The following SDK2 variants were observed in gnomAD, a reference collection of about 807,000 sequenced individuals.
The protein encoded by SDK2 is protein sidekick-2.
Under a neutral mutation model 253.9 loss-of-function variants are expected in SDK2, and 105 were observed. That is an observed-to-expected ratio of 0.41 (90% CI 0.35 to 0.49). The LOEUF is 0.49. SDK2 is among the 20% of genes least tolerant of loss of function. The pLI is 0.06. For synonymous variants in SDK2, 1,249 were observed against 1,234.9 expected, an observed-to-expected ratio of 1.01 and a Z score of -0.24; for missense variants, 2,608 against 3,003.0, an observed-to-expected ratio of 0.87 and a Z score of 3.07.
At chr17:73,430,370 TCAG>T in intron 12 of SDK2, 138 bp downstream of exon 12, 1 of 640,054 alleles carries the variant, frequency 1.6e-6, no homozygotes, top group South Asian at 1.8e-5. Flanking sequence ...AGCCCTGCAC[TCAG>T]CTCTGGAAAT....
chr17:73,434,445 C>G (rs1480750758), intron 9 of SDK2, among the ~76,000 whole-genome samples: 1 of 152,216 alleles, frequency 6.6e-6, no homozygotes, highest in Non-Finnish European at 1.5e-5. Flanking sequence ...ACGGCAGCCC[C>G]TTGGTAGCCA....
At chr17:73,507,829 C>T (rs1450815552) in intron 1 of SDK2, among the ~76,000 whole-genome samples, 2 of 152,196 alleles carry the variant, frequency 1.3e-5, no homozygotes, top group Non-Finnish European at 2.9e-5. Flanking sequence ...CCTCCCCAGA[C>T]CACGCTGGGC....
chr17:73,399,137 G>A, intron 22 of SDK2, 31 bp downstream of exon 22: 1 of 1,610,648 alleles, frequency 6.2e-7, no homozygotes. Context: ...CCCTGGCGGG[G>A]GCTGCTGGTC....
rs191130003 is a variant in SDK2 at position 73,395,405 on chromosome 17, A to G, written c.3355-13T>C. On this transcript the variant is annotated splice_polypyrimidine_tract_variant and intron_variant, in intron 24 of 44. Transcript: ENST00000392650. The surrounding 1 kb of genome is among the most constrained non-coding windows in gnomAD (Gnocchi z 4.3). ...TCTCCGGGAGAGGCTGCAGCGGGGC[A>G]GGGGTGGCAAAGCTGCTATGAGCCA... The G allele has an allele frequency of 7.6e-3, 12,165 of 1,608,548 alleles. 49 individuals carry two copies. The highest frequency in any genetic ancestry group is 9.2e-3 in the Non-Finnish European group (10,862 of 1,175,318).
intron 36 of SDK2, among the ~76,000 whole-genome samples, chr17:73,377,468 C>T (rs1434848663): frequency 6.6e-6 from 1 of 151,612 alleles, no homozygotes; most frequent in Non-Finnish European, 1.5e-5. Flanking sequence ...ATCCATCTGC[C>T]TCGGCCTCCC....
At position 73,509,916 on chromosome 17, in the gene SDK2, AAAAAAAG is replaced by A. The variant is rs1332176393; in HGVS notation, c.65-2326_65-2320del. Among the ~76,000 whole-genome samples the A allele has an allele frequency of 6.9e-5, 10 of 145,668 alleles. 1 individual carries two copies. The highest frequency in any genetic ancestry group is 2.7e-4 in the Admixed American group (4 of 14,642). ...CTCCATCTCTACAAAAAAAAAAAAAAAAAAAAGAAGGAAAGAAAGAAAAAGTAAAAGA... is the reference window on the plus strand; with the variant it reads ...CTCCATCTCTACAAAAAAAAAAAAAAAAGGAAAGAAAGAAAAAGTAAAAGA... On this transcript the variant is annotated intron_variant, in intron 1 of 44. Transcript: ENST00000392650.
intron 2 of SDK2, among the ~76,000 whole-genome samples, chr17:73,482,294 G>A (rs911431359): frequency 4.6e-5 from 7 of 151,246 alleles, no homozygotes; most frequent in African/African-American, 1.7e-4. Flanking sequence ...GAAGAAGCAG[G>A]TCTGTCTCCT....
chr17:73,545,090 C>T (rs1231329801), intron 1 of SDK2, among the ~76,000 whole-genome samples: 1 of 139,076 alleles, frequency 7.2e-6, no homozygotes, highest in Non-Finnish European at 1.5e-5. Flanking sequence ...TCATTGCGTG[C>T]ACGTGCACGC....
chr17:73,522,241 C>G (rs1253372655), intron 1 of SDK2, among the ~76,000 whole-genome samples: 1 of 152,242 alleles, frequency 6.6e-6, no homozygotes, highest in East Asian at 1.9e-4. Context: ...GGCGGATGGG[C>G]TGCCCCAAAG....
intron 4 of SDK2, among the ~76,000 whole-genome samples, chr17:73,450,753 CT>C (rs2063485212): frequency 6.6e-6 from 1 of 152,198 alleles, no homozygotes; most frequent in Non-Finnish European, 1.5e-5. Flanking sequence ...GTCTGGACAA[CT>C]TTTGGTTGCC....
At chr17:73,425,909 G>T (rs2063277786) in intron 12 of SDK2, among the ~76,000 whole-genome samples, 1 of 152,170 alleles carries the variant, frequency 6.6e-6, no homozygotes, top group African/African-American at 2.4e-5. Context: ...GATTGTGCAA[G>T]CTAATATAAA....
intron 1 of SDK2, among the ~76,000 whole-genome samples, chr17:73,568,653 G>A (rs1394536456): frequency 6.6e-6 from 1 of 152,152 alleles, no homozygotes; most frequent in Non-Finnish European, 1.5e-5. Flanking sequence ...TATACATGAA[G>A]TCTAGGAAGA....
At position 73,466,419 on chromosome 17, in the gene SDK2, A is replaced by T. The variant is rs2145682954; in HGVS notation, c.331+5693T>A. On this transcript the variant is annotated intron_variant, in intron 3 of 44. Coordinates refer to ENST00000392650, the MANE Select transcript of SDK2 (RefSeq NM_001144952.2). ...TACAAACAATGAAAACCAAAGTTAC[A>T]GAGAAGTAACTTGCCTAAGGTCACT... Among the ~76,000 whole-genome samples, 3 of 152,326 alleles carry T rather than the reference A, an allele frequency of 2.0e-5. No individual in the cohort carries two copies. In the South Asian group the frequency reaches 6.2e-4, roughly 32 times the overall value.
chr17:73,587,206 C>T (rs1249053534), intron 1 of SDK2, among the ~76,000 whole-genome samples: 3 of 152,164 alleles, frequency 2.0e-5, no homozygotes, highest in Non-Finnish European at 4.4e-5. Flanking sequence ...AGCCTGAGGT[C>T]CCCAGGCTAG....
At chr17:73,394,770 C>T (rs2062956605) in intron 25 of SDK2, among the ~76,000 whole-genome samples, 1 of 152,190 alleles carries the variant, frequency 6.6e-6, no homozygotes, top group South Asian at 2.1e-4. Context: ...CCAGGAGCTT[C>T]CGGTAGTGAT....
chr17:73,379,090 G>T lies in SDK2; in HGVS notation c.4980+87C>A. The T allele has an allele frequency of 2.0e-6, 2 of 982,910 alleles. No individual in the cohort carries two copies. The highest frequency in any genetic ancestry group is 1.5e-6 in the Non-Finnish European group (1 of 645,932). The allele number at this position is 982,910 out of a possible 1,614,324, so 60.9% of individuals were successfully genotyped here. A position where few individuals can be genotyped will look rare whatever the true frequency, so the allele number is the denominator to read the frequency against. On this transcript the variant is annotated intron_variant, in intron 36 of 44. Coordinates refer to ENST00000392650, the MANE Select transcript of SDK2 (RefSeq NM_001144952.2). The surrounding 1 kb of genome is among the most constrained non-coding windows in gnomAD (Gnocchi z 4.5). ...GGATGAATGGAGGGCCTGGGGACCT[G>T]CCTGCCTCCCACATATCACTCACTC...
intron 1 of SDK2, among the ~76,000 whole-genome samples, chr17:73,611,000 A>G (rs2143124271): frequency 6.6e-6 from 1 of 152,344 alleles, no homozygotes; most frequent in South Asian, 2.1e-4. Context: ...AAGGATGTGA[A>G]GTCAGCTACA....
At chr17:73,613,811 C>T (rs1031091873) in intron 1 of SDK2, among the ~76,000 whole-genome samples, 1 of 147,662 alleles carries the variant, frequency 6.8e-6, no homozygotes, top group African/African-American at 2.5e-5. Context: ...AAGGGGGAGC[C>T]GTGGAGAGGG....
intron 34 of SDK2, among the ~76,000 whole-genome samples, chr17:73,380,167 T>C: frequency 6.6e-6 from 1 of 152,054 alleles, no homozygotes; most frequent in Admixed American, 6.5e-5. Context: ...TCTCTCTGGG[T>C]TCCCTGCCCC....
Sources: gnomAD v4.1 joint callset for allele counts (sites outside exome capture counted in the v4.1 genomes callset) on GRCh38, gnomAD v4.1.1 for gene constraint, Gnocchi (gnomAD v3.1) non-coding constraint, MANE v1.5 for transcripts, NCBI Gene and HGNC (gene_info 2026-07-23, HGNC 2026-07-21) for gene names.